The following KCTD3 variants were observed in gnomAD, a reference collection of about 807,000 sequenced individuals.
KCTD3 encodes the protein BTB/POZ domain-containing protein KCTD3.
KCTD3 carries 41 observed loss-of-function variants against 85.8 expected under a neutral mutation model. The ratio of observed to expected loss-of-function variants is 0.48; its 90% confidence interval spans 0.37 to 0.62. The LOEUF is 0.62. KCTD3 is among the 20% of genes least tolerant of loss of function. The pLI is 0.00. For synonymous variants in KCTD3, 338 were observed against 345.4 expected (o/e 0.98, Z 0.24); for missense variants, 724 against 989.9 (o/e 0.73, Z 3.60).
chr1:215,608,119 T>C lies in KCTD3; in HGVS notation c.1412T>C (p.Leu471Pro). 1 of 1,612,182 alleles carries C rather than the reference T, an allele frequency of 6.2e-7. No homozygotes were observed. Among genetic ancestry groups the C allele is most frequent in the Non-Finnish European group, 8.5e-7 (1 of 1,178,760 alleles). ...ACTCCTTTAGCGTCATTCAAGATAC[T>C]ATCCCTGGAGGAGACAGAAAGTCAT... is the stretch of plus-strand genomic sequence containing the variant. Reference protein sequence around the residue: ...GSTPLASFKILSLEETESHGS... With the variant: ...GSTPLASFKIPSLEETESHGS... Residue 471 changes from leucine to proline, a missense_variant, in exon 14 of 18, where the codon CTA (leucine) becomes CCA (proline). By Grantham distance (98) the Leu-to-Pro change is moderately conservative. Transcript: ENST00000259154.
At chr1:215,584,929 G>A (rs1659952925) in intron 8 of KCTD3, among the ~76,000 whole-genome samples, 1 of 152,188 alleles carries the variant, frequency 6.6e-6, no homozygotes, top group Non-Finnish European at 1.5e-5. Context: ...ACTTTACTCA[G>A]TTGTTAAAAG....
At chr1:215,578,113 T>G in intron 6 of KCTD3, 32 bp downstream of exon 6, 4 of 1,585,164 alleles carry the variant, frequency 2.5e-6, no homozygotes, top group Non-Finnish European at 3.5e-6. Flanking sequence ...TTTTAAAAAA[T>G]TCCTTGTATC....
At chr1:215,607,248 CAT>C (rs1319081009) in intron 13 of KCTD3, among the ~76,000 whole-genome samples, 7 of 151,772 alleles carry the variant, frequency 4.6e-5, no homozygotes, top group Non-Finnish European at 7.4e-5. Flanking sequence ...CTAATAATAA[CAT>C]ATTTTCTAAA....
intron 8 of KCTD3, among the ~76,000 whole-genome samples, 165 bp from the exon 9 acceptor site, chr1:215,586,330 C>T (rs530685819): frequency 9.1e-4 from 138 of 151,790 alleles, no homozygotes; most frequent in Non-Finnish European, 1.6e-3. Context: ...GCTTCATAGG[C>T]AATATAGATC....
chr1:215,604,129 T>C lies in KCTD3; in HGVS notation c.1139-3T>C, dbSNP rs773301861. On this transcript the variant is annotated splice_polypyrimidine_tract_variant and splice_region_variant and intron_variant, in intron 12 of 17. Coordinates refer to ENST00000259154, the MANE Select transcript of KCTD3 (RefSeq NM_016121.5). ...TCACCTGTCAACTCTTGACTTTATA[T>C]AGGTGTCAGTGGTAACTGGATCGAG... 3 of 1,604,690 alleles carry C rather than the reference T, an allele frequency of 1.9e-6. No individual in the cohort carries two copies. Among genetic ancestry groups the C allele is most frequent in the Admixed American group, 3.5e-5 (2 of 57,824 alleles).
chr1:215,583,667 T>TC (rs1308162370), intron 8 of KCTD3, among the ~76,000 whole-genome samples: 1 of 152,174 alleles, frequency 6.6e-6, no homozygotes, highest in African/African-American at 2.4e-5. Context: ...TGACATGTTT[T>TC]CCCCTTCCCT....
At chr1:215,614,999 A>G (rs992910370) in intron 15 of KCTD3, among the ~76,000 whole-genome samples, 4 of 152,186 alleles carry the variant, frequency 2.6e-5, no homozygotes, top group African/African-American at 7.2e-5. Context: ...TACTTATTCA[A>G]TTCTAATATC....
intron 4 of KCTD3, among the ~76,000 whole-genome samples, chr1:215,577,412 T>C (rs1343896925): frequency 6.6e-6 from 1 of 152,162 alleles, no homozygotes; most frequent in Non-Finnish European, 1.5e-5. Flanking sequence ...CCCTAATCTC[T>C]CCTTTAGTGA....
intron 12 of KCTD3, 106 bp downstream of exon 12, chr1:215,602,307 T>A: frequency 4.9e-6 from 3 of 608,266 alleles, no homozygotes. Context: ...TTTTGAGAAC[T>A]GCAGTGCCTA....
At chr1:215,604,541 T>A (rs1304552205) in intron 13 of KCTD3, among the ~76,000 whole-genome samples, 1 of 151,878 alleles carries the variant, frequency 6.6e-6, no homozygotes, top group African/African-American at 2.4e-5. Context: ...AGCCCAGGAG[T>A]TGAAGACTAG....
chr1:215,601,601 T>C (rs1297270195), intron 10 of KCTD3, among the ~76,000 whole-genome samples: 1 of 151,930 alleles, frequency 6.6e-6, no homozygotes, highest in African/African-American at 2.4e-5. Flanking sequence ...AGACAACCAA[T>C]CGAAATTGAG....
chr1:215,620,580 A>G lies in KCTD3; in HGVS notation c.2410A>G (p.Lys804Glu). 4 of 1,605,654 alleles carry G rather than the reference A, an allele frequency of 2.5e-6. No homozygotes were observed. The highest frequency in any genetic ancestry group is 3.4e-6 in the Non-Finnish European group (4 of 1,176,788). Residue 804 changes from lysine (K) to glutamate (E), a missense_variant, in exon 18 of 18, where the codon AAA becomes GAA. This residue lies in a region of KCTD3 where 222 missense variants were observed against 217.7 expected (regional missense o/e 1.02). Coordinates refer to ENST00000259154, the MANE Select transcript of KCTD3 (RefSeq NM_016121.5). ...PTKTTPSPRH[K>E]KSDSSGQEYS... ...AAAGACTACTCCATCTCCTCGGCAT[A>G]AAAAAAGTGATTCTTCAGGTCAGGA...
chr1:215,589,840 C>A lies in KCTD3; in HGVS notation c.817+3155C>A, dbSNP rs192341914. Among the ~76,000 whole-genome samples the A allele has an allele frequency of 5.2e-3, 795 of 152,202 alleles. 4 individuals carry two copies. Among genetic ancestry groups the A allele is most frequent in the Non-Finnish European group, 9.6e-3 (653 of 68,026 alleles). The stretch of plus-strand genomic sequence containing the variant: ...CGGCAGAATTTGTTTATCCATTCAC[C>A]CGTTGATAGACATTTGGCTTATTTC... On this transcript the variant is annotated intron_variant, in intron 9 of 17. Transcript: ENST00000259154.
At chr1:215,599,081 A>G (rs1571889238) in intron 10 of KCTD3, among the ~76,000 whole-genome samples, 1 of 152,212 alleles carries the variant, frequency 6.6e-6, no homozygotes, top group African/African-American at 2.4e-5. Flanking sequence ...CCAGTAGTAG[A>G]CACCAGAAGA....
chr1:215,606,693 G>A (rs530486048), intron 13 of KCTD3, among the ~76,000 whole-genome samples: 27 of 151,942 alleles, frequency 1.8e-4, no homozygotes, highest in Non-Finnish European at 2.7e-4. Context: ...TGAAACTTTT[G>A]TAAGTTTGTC....
In KCTD3 at chr1:215,567,666, C is replaced by T; in HGVS notation, c.-20C>T. ...CCGGCTGGGGAAGGAGGGCGGCGAGCGCGTCCGGAGCCGCCGGAGATGGCG... is the reference window on the plus strand; with the variant it reads ...CCGGCTGGGGAAGGAGGGCGGCGAGTGCGTCCGGAGCCGCCGGAGATGGCG... On this transcript the variant is annotated 5_prime_UTR_variant, in exon 1 of 18. Coordinates refer to ENST00000259154, the MANE Select transcript of KCTD3 (RefSeq NM_016121.5). 1.6e-6 allele frequency: 2 copies of T among 1,229,840 alleles called. No individual in the cohort carries two copies. Among genetic ancestry groups the T allele is most frequent in the Non-Finnish European group, 2.0e-6 (2 of 982,828 alleles). The allele number at this position is 1,229,840 out of a possible 1,614,324, so 76.2% of individuals were successfully genotyped here.
chr1:215,573,229 A>G (rs1659433923), intron 1 of KCTD3, among the ~76,000 whole-genome samples: 1 of 152,226 alleles, frequency 6.6e-6, no homozygotes, highest in African/African-American at 2.4e-5. Context: ...AAGAGATAAT[A>G]CAGGATTGGA....
intron 10 of KCTD3, among the ~76,000 whole-genome samples, chr1:215,598,889 TAAC>T (rs921495785): frequency 6.6e-6 from 1 of 152,196 alleles, no homozygotes; most frequent in African/African-American, 2.4e-5. Flanking sequence ...TTGAAAAAGA[TAAC>T]AACTGCTAAC....
chr1:215,597,268 C>CT (rs1429976883), intron 10 of KCTD3, among the ~76,000 whole-genome samples: 1 of 150,816 alleles, frequency 6.6e-6, no homozygotes. Flanking sequence ...TTCTTGTTTC[C>CT]TTTTTTTGTT....
Sources: allele counts gnomAD v4.1 joint callset (sites outside exome capture counted in the v4.1 genomes callset), GRCh38; gene constraint gnomAD v4.1.1; regional missense constraint gnomAD v4.1.1; transcripts MANE v1.5; gene names NCBI Gene and HGNC (gene_info 2026-07-23, HGNC 2026-07-21).